Variants in CACNA1C observed in about 807,000 individuals in gnomAD.
The protein encoded by CACNA1C is calcium voltage-gated channel subunit alpha1 C, also known as voltage-dependent L-type calcium channel subunit alpha-1C.
In CACNA1C, 30 loss-of-function variants were observed where a neutral mutation model predicts 229.0. The ratio of observed to expected loss-of-function variants is 0.13; its 90% CI spans 0.10 to 0.18. The LOEUF is 0.18. Ranked by LOEUF, CACNA1C falls within the 10% of genes least tolerant of loss-of-function variation. The pLI is 1.00. For synonymous variants in CACNA1C, 1,114 were observed against 1,132.5 expected (o/e 0.98, Z 0.33); for missense variants, 1,658 against 2,845.0 (o/e 0.58, Z 9.49).
At chr12:2,005,611 GT>G (rs34370840) in intron 1 of CACNA1C, among the ~76,000 whole-genome samples, 82,426 of 151,628 alleles carry the variant, frequency 0.54, 22,823 homozygotes, top group African/African-American at 0.65. Context: ...AGTACTTAAT[GT>G]TTTTTTTTCT....
At chr12:2,188,258 T>C (rs1015004321) in intron 3 of CACNA1C, among the ~76,000 whole-genome samples, 1 of 152,230 alleles carries the variant, frequency 6.6e-6, no homozygotes, top group Non-Finnish European at 1.5e-5. Flanking sequence ...ATATATTTGC[T>C]ATAACACAAT....
At chr12:2,050,787 A>G (rs1439116030), upstream of CACNA1C, among the ~76,000 whole-genome samples, 1 of 152,238 alleles carries the variant, frequency 6.6e-6, no homozygotes, top group East Asian at 1.9e-4. Context: ...CACTGGGGCC[A>G]GAACCACTGG....
intron 5 of CACNA1C, among the ~76,000 whole-genome samples, chr12:2,476,485 T>C (rs999118188): frequency 1.3e-5 from 2 of 152,262 alleles, no homozygotes; most frequent in African/African-American, 2.4e-5. Flanking sequence ...AAAGCACTTA[T>C]GTGGTACCCA....
Position 2,654,076 on chromosome 12 carries a change from A to C in CACNA1C, c.4140+176A>C, listed in dbSNP as rs568312710. ...AGCCACAGGAATTGGAACTTTCCCC[A>C]AATGGATCTCCTGTAGGTAGCAGGA... On this transcript the variant is annotated intron_variant, in intron 33 of 46. Coordinates refer to ENST00000399655, the MANE Select transcript of CACNA1C (RefSeq NM_000719.7). This position sits in a 1 kb window ranked among gnomAD's most constrained non-coding sequence, Gnocchi z 4.4. Among the ~76,000 whole-genome samples the C allele has an allele frequency of 1.3e-5, 2 of 152,242 alleles. No individual in the cohort carries two copies. Among genetic ancestry groups the C allele is most frequent in the East Asian group, 3.9e-4 (2 of 5,172 alleles).
At chr12:2,397,774 G>C (rs989920117) in intron 3 of CACNA1C, among the ~76,000 whole-genome samples, 2 of 152,246 alleles carry the variant, frequency 1.3e-5, no homozygotes, top group Non-Finnish European at 2.9e-5. Flanking sequence ...CAAGCCATGA[G>C]CCTTCTGATA....
At chr12:2,559,239 T>C (rs977527137) in intron 11 of CACNA1C, among the ~76,000 whole-genome samples, 5 of 152,222 alleles carry the variant, frequency 3.3e-5, no homozygotes, top group African/African-American at 9.6e-5. Context: ...CAAAATATCA[T>C]TCTCAGTTCA....
In CACNA1C at chr12:2,487,296, A is replaced by G. The variant is rs547383713; in HGVS notation, c.916+1034A>G. On this transcript the variant is annotated intron_variant, in intron 6 of 46. Coordinates refer to ENST00000399655, the MANE Select transcript of CACNA1C (RefSeq NM_000719.7). ...CAGTGAAGGATACCTAATTTTCTCC[A>G]TCGACACTGCACCTCATTCCCACTC... Among the ~76,000 whole-genome samples, 9 of 151,798 alleles carry G rather than the reference A, an allele frequency of 5.9e-5. No homozygotes were observed. In the East Asian group the frequency reaches 1.7e-3, roughly 30 times the overall value.
chr12:2,522,413 C>A (rs935535703), intron 9 of CACNA1C, among the ~76,000 whole-genome samples: 1 of 152,212 alleles, frequency 6.6e-6, no homozygotes, highest in Non-Finnish European at 1.5e-5. Context: ...TATATTCATA[C>A]CTAGTTGGCC....
intron 3 of CACNA1C, among the ~76,000 whole-genome samples, chr12:2,388,979 T>G (rs1424829171): frequency 2.0e-5 from 3 of 152,162 alleles, no homozygotes; most frequent in Non-Finnish European, 4.4e-5. Context: ...GTATGATAAC[T>G]GAAACTATAG....
chr12:2,421,386 T>C (rs1335525916), intron 3 of CACNA1C, among the ~76,000 whole-genome samples: 1 of 152,246 alleles, frequency 6.6e-6, no homozygotes, highest in Non-Finnish European at 1.5e-5. Context: ...CTTTGCACGC[T>C]TGAAGTTTCA....
At chr12:2,257,856 T>C (rs1003649762) in intron 3 of CACNA1C, among the ~76,000 whole-genome samples, 1 of 152,252 alleles carries the variant, frequency 6.6e-6, no homozygotes, top group African/African-American at 2.4e-5. Context: ...TTGCCTCCAC[T>C]TCACTTGGTC....
At chr12:2,495,561 C>T (rs2099744993) in intron 7 of CACNA1C, among the ~76,000 whole-genome samples, 1 of 152,218 alleles carries the variant, frequency 6.6e-6, no homozygotes, top group Non-Finnish European at 1.5e-5. Flanking sequence ...CAGATGTGAT[C>T]CAAAGAAATA....
chr12:2,682,166 G>T, intron 42 of CACNA1C: 1 of 669,052 alleles, frequency 1.5e-6, no homozygotes, highest in Non-Finnish European at 2.6e-6. Context: ...AAAGACCCAG[G>T]TGTCATAGCT....
intron 3 of CACNA1C, among the ~76,000 whole-genome samples, chr12:2,404,460 C>A (rs956110713): frequency 2.0e-5 from 3 of 152,188 alleles, no homozygotes; most frequent in Non-Finnish European, 4.4e-5. Flanking sequence ...TGTGTACTTA[C>A]AATCAGTATT....
At chr12:2,135,672 C>T (rs1432639764) in intron 3 of CACNA1C, among the ~76,000 whole-genome samples, 1 of 144,134 alleles carries the variant, frequency 6.9e-6, no homozygotes, top group Non-Finnish European at 1.5e-5. Context: ...GTTCTCAGAT[C>T]TCCAGCCGCG....
At position 2,309,829 on chromosome 12, in the gene CACNA1C, G is replaced by A. The variant is rs1445186900; in HGVS notation, c.478-139147G>A. Among the ~76,000 whole-genome samples the A allele has an allele frequency of 2.0e-5, 3 of 152,224 alleles. No individual in the cohort carries two copies. The East Asian group carries it at 5.8e-4, about 29-fold the overall frequency. On this transcript the variant is annotated intron_variant, in intron 3 of 46. Coordinates refer to ENST00000399655, the MANE Select transcript of CACNA1C (RefSeq NM_000719.7). ...ACTTACAGTCCAGGAGGGAAGAAAT[G>A]AGGAAGTGGAGCAGCGAAACACCAA...
intron 1 of CACNA1C, among the ~76,000 whole-genome samples, chr12:2,099,209 G>T (rs1002062616): frequency 2.6e-5 from 4 of 152,216 alleles, no homozygotes; most frequent in Non-Finnish European, 4.4e-5. Context: ...AAAAGATGAA[G>T]AGAAAAAGGA....
chr12:2,149,330 GAGAA>G (rs1032045244), intron 3 of CACNA1C, among the ~76,000 whole-genome samples: 8 of 152,180 alleles, frequency 5.3e-5, no homozygotes, highest in African/African-American at 1.7e-4. Flanking sequence ...TCAAAGCCAA[GAGAA>G]AGAAAGAGAG....
At chr12:2,205,658 C>T (rs1333501837) in intron 3 of CACNA1C, among the ~76,000 whole-genome samples, 3 of 152,160 alleles carry the variant, frequency 2.0e-5, no homozygotes, top group South Asian at 2.1e-4. Flanking sequence ...GCATCCTCTC[C>T]GGCTGAGTTT....
Sources: allele counts gnomAD v4.1 joint callset (sites outside exome capture counted in the v4.1 genomes callset), GRCh38; gene constraint gnomAD v4.1.1; non-coding constraint Gnocchi (gnomAD v3.1); transcripts MANE v1.5; gene names NCBI Gene and HGNC (gene_info 2026-07-23, HGNC 2026-07-21).